LIPI: variants seen among roughly 807,000 people sequenced by gnomAD.
LIPI encodes the protein lipase I.
LIPI carries 59 observed loss-of-function variants against 50.6 expected under a neutral mutation model. The observed-to-expected ratio is 1.16, with a 90% confidence interval of 0.94 to 1.45. LIPI has a LOEUF of 1.45. Among genes scored for constraint, LIPI ranks in the 40% most tolerant of loss-of-function variants. The pLI is 0.00. For missense variants in LIPI, 586 were observed against 536.3 expected (o/e 1.09, Z -0.92); for synonymous variants, 203 against 178.2 (o/e 1.14, Z -1.11).
chr21:14,129,648 G>T (rs2122988377), intron 9 of LIPI, among the ~76,000 whole-genome samples: 1 of 151,770 alleles, frequency 6.6e-6, no homozygotes, highest in East Asian at 1.9e-4. Context: ...ACAGTTTGAT[G>T]TCATGGAAGA....
chr21:14,124,938 T>C (rs547242317), intron 9 of LIPI, among the ~76,000 whole-genome samples: 69 of 152,050 alleles, frequency 4.5e-4, no homozygotes, highest in African/African-American at 1.7e-3. Flanking sequence ...GAGGTTGCGG[T>C]GAGCCAAGAT....
intron 9 of LIPI, among the ~76,000 whole-genome samples, chr21:14,122,969 GA>G (rs1489844042): frequency 2.0e-5 from 3 of 152,152 alleles, no homozygotes; most frequent in African/African-American, 7.2e-5. Context: ...TGTCAGCCAA[GA>G]ACCTATTTAC....
At chr21:14,145,271 A>C (rs2123063723) in intron 8 of LIPI, among the ~76,000 whole-genome samples, 1 of 152,342 alleles carries the variant, frequency 6.6e-6, no homozygotes, top group Non-Finnish European at 1.5e-5. Context: ...CTGTGCATTT[A>C]CAATGTAATT....
chr21:14,109,163 G>A (rs2016308496), intron 9 of LIPI, 83 bp from the exon 10 acceptor site: 1 of 1,080,882 alleles, frequency 9.3e-7, no homozygotes, highest in Non-Finnish European at 1.4e-6. Flanking sequence ...ATTAATATTA[G>A]AATAGTCCAT....
intron 3 of LIPI, among the ~76,000 whole-genome samples, chr21:14,183,216 A>C (rs368075031): frequency 2.6e-5 from 4 of 152,306 alleles, no homozygotes; most frequent in East Asian, 3.9e-4. Context: ...GAAAAACAAG[A>C]AATGGGGAAA....
chr21:14,159,171 ACT>A (rs994974017), intron 7 of LIPI, among the ~76,000 whole-genome samples: 2 of 151,420 alleles, frequency 1.3e-5, no homozygotes, highest in Admixed American at 1.3e-4. Flanking sequence ...ATACGCTATT[ACT>A]GTTATGCCAA....
At position 14,152,556 on chromosome 21, in the gene LIPI, T is replaced by G; in HGVS notation, c.1118+17A>C. On this transcript the variant is annotated intron_variant, in intron 8 of 9. Transcript: ENST00000681601. ...ACATTGAATATATGAGAGAAGAAAA[T>G]AGTAAATTTTACTTACTCATAAAGC... 8.4e-7 allele frequency: 1 copy of G among 1,193,156 alleles called. No individual in the cohort carries two copies. Among genetic ancestry groups the G allele is most frequent in the Non-Finnish European group, 1.2e-6 (1 of 803,442 alleles). 73.9% of individuals were successfully genotyped at this position (1,193,156 alleles called of 1,614,324 possible). A position where few individuals can be genotyped will look rare whatever the true frequency, so the allele number is the denominator to read the frequency against.
rs538110167 is a variant in LIPI at position 14,118,163 on chromosome 21, A to T, written c.1296-9083T>A. On this transcript the variant is annotated intron_variant, in intron 9 of 9. Transcript: ENST00000681601. ...CCGTCACTGGGCAAGGCATAGTAAG[A>T]TCTGACGTGGATCTAATTGGGCTGG... Among the ~76,000 whole-genome samples, 38 of 152,186 alleles carry T rather than the reference A, an allele frequency of 2.5e-4. No homozygotes were observed. In the Middle Eastern group the frequency reaches 0.01, roughly 41 times the overall value.
chr21:14,184,327 G>GCAGTC (rs1568874376), intron 3 of LIPI, among the ~76,000 whole-genome samples: 4 of 152,200 alleles, frequency 2.6e-5, no homozygotes, highest in Non-Finnish European at 2.9e-5. Context: ...GGACTGTTGT[G>GCAGTC]GGGTGGGGGA....
intron 9 of LIPI, among the ~76,000 whole-genome samples, chr21:14,129,008 G>A (rs1172552308): frequency 6.6e-6 from 1 of 152,040 alleles, no homozygotes. Context: ...GAATCTAGGA[G>A]TATTTATATA....
In LIPI at chr21:14,137,878, A is replaced by G. The variant is rs183665116; in HGVS notation, c.1295+6745T>C. Reference sequence around the variant, plus strand: ...AAGAGCAGCAAAAGAAACAAATAAAATGTTATGGAGCTCCAGTACTCCTGG... The same window carrying G: ...AAGAGCAGCAAAAGAAACAAATAAAGTGTTATGGAGCTCCAGTACTCCTGG... On this transcript the variant is annotated intron_variant, in intron 9 of 9. Coordinates refer to ENST00000681601, the MANE Select transcript of LIPI (RefSeq NM_001302998.2). 3.5e-3 allele frequency among the ~76,000 whole-genome samples: 531 copies of G among 152,286 alleles called. 2 individuals are homozygous for G. The highest frequency in any genetic ancestry group is 6.2e-3 in the Non-Finnish European group (425 of 68,004).
intron 9 of LIPI, among the ~76,000 whole-genome samples, chr21:14,134,801 T>C (rs966915772): frequency 3.9e-5 from 6 of 151,952 alleles, no homozygotes; most frequent in Non-Finnish European, 7.4e-5. Context: ...CGAGATAAAT[T>C]GAACACATAA....
At chr21:14,181,967 A>G in intron 3 of LIPI, 108 bp from the exon 4 acceptor site, 2 of 702,808 alleles carry the variant, frequency 2.8e-6, no homozygotes, top group South Asian at 3.0e-5. Context: ...TTATACTTTT[A>G]GTTTAAACCT....
At chr21:14,151,647 A>G (rs1470327212) in intron 8 of LIPI, among the ~76,000 whole-genome samples, 1 of 152,218 alleles carries the variant, frequency 6.6e-6, no homozygotes, top group Non-Finnish European at 1.5e-5. Flanking sequence ...AACCACAACT[A>G]TATGGTAGTG....
intron 1 of LIPI, among the ~76,000 whole-genome samples, chr21:14,193,034 ATTATGAATGCATGT>A (rs2019729140): frequency 6.6e-6 from 1 of 152,248 alleles, no homozygotes; most frequent in Non-Finnish European, 1.5e-5. Flanking sequence ...AATAAAAATA[ATTATGAATGCATGT>A]TAATGGGTAC....
At chr21:14,188,988 T>C (rs965527365) in intron 2 of LIPI, 46 bp downstream of exon 2, 1 of 1,429,264 alleles carries the variant, frequency 7.0e-7, no homozygotes, top group Non-Finnish European at 9.8e-7. Context: ...ATAGCACGTA[T>C]AATATATTGT....
At position 14,166,348 on chromosome 21, in the gene LIPI, T is replaced by C. The variant is rs1243238719; in HGVS notation, c.733+14A>G. ...GAATATTATGTAGTTCATTCAAAAA[T>C]ACTGTCAGTATACCTGAGAAAATTG... On this transcript the variant is annotated intron_variant, in intron 5 of 9. Coordinates refer to ENST00000681601, the MANE Select transcript of LIPI (RefSeq NM_001302998.2). The C allele has an allele frequency of 2.2e-6, 3 of 1,393,956 alleles. No individual in the cohort carries two copies. Among genetic ancestry groups the C allele is most frequent in the Admixed American group, 1.7e-5 (1 of 59,776 alleles). The allele number at this position is 1,393,956 out of a possible 1,614,324, so 86.3% of individuals were successfully genotyped here.
At chr21:14,184,134 T>A (rs2123256934) in intron 3 of LIPI, among the ~76,000 whole-genome samples, 1 of 152,294 alleles carries the variant, frequency 6.6e-6, no homozygotes, top group East Asian at 1.9e-4. Context: ...CAGCATGGAA[T>A]ACTATGCAGC....
At chr21:14,116,258 G>T (rs1196853349) in intron 9 of LIPI, among the ~76,000 whole-genome samples, 1 of 152,038 alleles carries the variant, frequency 6.6e-6, no homozygotes, top group African/African-American at 2.4e-5. Context: ...ATGTGGGGAG[G>T]TGCAGATCTC....
Sources: gnomAD v4.1 joint callset for allele counts (sites outside exome capture counted in the v4.1 genomes callset) on GRCh38, gnomAD v4.1.1 for gene constraint, MANE v1.5 for transcripts, NCBI Gene and HGNC (gene_info 2026-07-23, HGNC 2026-07-21) for gene names.